Variants in CHD9 observed in about 807,000 individuals in gnomAD.
The protein encoded by CHD9 is ATP-dependent chromatin remodeler CHD9.
A neutral mutation model predicts 316.1 loss-of-function variants in CHD9; 77 were observed. The ratio of observed to expected loss-of-function variants is 0.24; its 90% CI spans 0.20 to 0.29. The LOEUF is 0.29. CHD9 is among the 10% of genes least tolerant of loss of function. CHD9 has a pLI of 1.00. For missense variants in CHD9, 2,763 were observed against 3,438.1 expected, an observed-to-expected ratio of 0.80 and a Z score of 4.91; for synonymous variants, 1,129 against 1,158.3, an observed-to-expected ratio of 0.97 and a Z score of 0.51.
At chr16:53,131,550 G>T (rs546176825) in intron 1 of CHD9, among the ~76,000 whole-genome samples, 61 of 151,276 alleles carry the variant, frequency 4.0e-4, no homozygotes, top group African/African-American at 1.4e-3. Context: ...ACAGCCCCCG[G>T]GGTCGGGACA....
intron 1 of CHD9, among the ~76,000 whole-genome samples, chr16:53,151,374 C>G (rs2041104824): frequency 6.6e-6 from 1 of 151,810 alleles, no homozygotes. Context: ...GCCTCAGCCT[C>G]TCCCAAGTAG....
chr16:53,069,473 T>C (rs1167853561), intron 1 of CHD9, among the ~76,000 whole-genome samples: 2 of 152,188 alleles, frequency 1.3e-5, no homozygotes, highest in Non-Finnish European at 2.9e-5. Context: ...TTACTTTCTG[T>C]CTTTGTGAGT....
chr16:53,272,319 A>T lies in CHD9; in HGVS notation c.4718-1307A>T, dbSNP rs1020778306. Among the ~76,000 whole-genome samples the T allele has an allele frequency of 2.6e-5, 4 of 152,098 alleles. No homozygotes were observed. In the East Asian group the frequency reaches 7.7e-4, roughly 29 times the overall value. Reference sequence around the variant, plus strand: ...AACTATAACAAGTATGAACTTACATACATCTAAAATAGTCTCAAAATGTAA... The same window carrying T: ...AACTATAACAAGTATGAACTTACATTCATCTAAAATAGTCTCAAAATGTAA... On this transcript the variant is annotated intron_variant, in intron 22 of 38. Coordinates refer to ENST00000447540, the MANE Select transcript of CHD9 (RefSeq NM_001308319.2).
chr16:53,269,831 C>T (rs1301017572), intron 22 of CHD9, among the ~76,000 whole-genome samples: 3 of 152,052 alleles, frequency 2.0e-5, no homozygotes, highest in Admixed American at 6.6e-5. Context: ...CAACCTTCAG[C>T]GTGTTACTGG....
At chr16:53,212,141 C>G (rs2046379469) in intron 3 of CHD9, among the ~76,000 whole-genome samples, 1 of 152,130 alleles carries the variant, frequency 6.6e-6, no homozygotes, top group Non-Finnish European at 1.5e-5. Flanking sequence ...GTGGCTCATG[C>G]CTGTAATCCC....
intron 7 of CHD9, 78 bp from the exon 8 acceptor site, chr16:53,228,905 T>C: frequency 1.5e-6 from 1 of 645,836 alleles, no homozygotes; most frequent in Non-Finnish European, 2.6e-6. Flanking sequence ...ATAGTTTATA[T>C]TGGATGTTAT....
At chr16:53,072,266 C>A (rs1468545746) in intron 1 of CHD9, among the ~76,000 whole-genome samples, 1 of 151,962 alleles carries the variant, frequency 6.6e-6, no homozygotes, top group Non-Finnish European at 1.5e-5. Flanking sequence ...TCCATAGCAA[C>A]CAAAACTCAT....
At chr16:53,226,866 T>G (rs2047698001) in intron 5 of CHD9, among the ~76,000 whole-genome samples, 1 of 152,244 alleles carries the variant, frequency 6.6e-6, no homozygotes, top group South Asian at 2.1e-4. Flanking sequence ...GATACCTTTT[T>G]AGCAGTGTAT....
At chr16:53,211,965 A>G (rs1425943441) in intron 3 of CHD9, among the ~76,000 whole-genome samples, 2 of 152,212 alleles carry the variant, frequency 1.3e-5, no homozygotes, top group African/African-American at 2.4e-5. Context: ...AACTAGCACC[A>G]TTTTATAATT....
chr16:53,076,134 C>G (rs1203187894), intron 1 of CHD9, among the ~76,000 whole-genome samples: 1 of 152,138 alleles, frequency 6.6e-6, no homozygotes, highest in Non-Finnish European at 1.5e-5. Context: ...TAGGAGTTCT[C>G]TGTATCTTCT....
chr16:53,293,134 G>T (rs1414521035), intron 29 of CHD9, 82 bp downstream of exon 29: 1 of 1,205,694 alleles, frequency 8.3e-7, no homozygotes, highest in Non-Finnish European at 1.2e-6. Flanking sequence ...CAATTATCAC[G>T]CTTTGTGGAA....
In CHD9 at chr16:53,267,999, A is replaced by T; in HGVS notation, c.4590A>T (p.Ile1530=). 1 of 1,613,678 alleles carries T rather than the reference A, an allele frequency of 6.2e-7. No homozygotes were observed. Among genetic ancestry groups the T allele is most frequent in the South Asian group, 1.1e-5 (1 of 91,078 alleles). ...AGCTAAATGAACACGATGTAGAGATAATTTGCCGAGCTCTCTTAGCATATT... is the reference window on the plus strand; with the variant it reads ...AGCTAAATGAACACGATGTAGAGATTATTTGCCGAGCTCTCTTAGCATATT... The part of the protein sequence containing the change: ...KRQLNEHDVE[I]ICRALLAYCL... Residue 1530 remains isoleucine, a synonymous_variant, in exon 22 of 39, where the codon ATA becomes ATT. Transcript: ENST00000447540.
intron 17 of CHD9, chr16:53,250,447 C>A: frequency 5.9e-6 from 1 of 170,398 alleles, no homozygotes; most frequent in Non-Finnish European, 1.3e-5. Context: ...TTTACAGGCA[C>A]GCATCATCAC....
In CHD9 at chr16:53,293,071, A is replaced by ATT; in HGVS notation, c.5510+23_5510+24dup. The ATT allele has an allele frequency of 6.4e-7, 1 of 1,570,700 alleles. No homozygotes were observed. The highest frequency in any genetic ancestry group is 1.4e-5 in the African/African-American group (1 of 74,046). On this transcript the variant is annotated intron_variant, in intron 29 of 38. Coordinates refer to ENST00000447540, the MANE Select transcript of CHD9 (RefSeq NM_001308319.2). ...AGCAAAGGTAAGACAATAACACTAA[A>ATT]TTTTTAATGTATTGTCTAAATGTAG...
In CHD9 at chr16:53,327,325, T is replaced by C. The variant is rs2057577577; in HGVS notation, c.*2430T>C. On this transcript the variant is annotated 3_prime_UTR_variant, in exon 39 of 39. Transcript: ENST00000447540. ...GATTCAAGTCTTAGTCCAATCTTTC[T>C]TTTGGACATTTGCAATATTTACCAG... is the stretch of plus-strand genomic sequence containing the variant. 1 of 152,588 alleles carries C rather than the reference T, an allele frequency of 6.6e-6. No homozygotes were observed. Among genetic ancestry groups the C allele is most frequent in the Non-Finnish European group, 1.5e-5 (1 of 67,984 alleles). The allele number at this position is 152,588 out of a possible 1,614,324, so 9.5% of individuals were successfully genotyped here.
At chr16:53,322,546 C>T (rs1164339759) in intron 38 of CHD9, among the ~76,000 whole-genome samples, 3 of 150,762 alleles carry the variant, frequency 2.0e-5, no homozygotes, top group Non-Finnish European at 3.0e-5. Flanking sequence ...GAGCCAAGAT[C>T]GCACCACTGC....
rs574796161 is a variant in CHD9, at chr16:53,118,863, G to T, written c.-164-37063G>T. ...ACTGGAGTGCAGTGGCACAATCTCG[G>T]CTCACTGCAACCTTCACCTCCCGGG... is the stretch of plus-strand genomic sequence containing the variant. On this transcript the variant is annotated intron_variant, in intron 1 of 38. Coordinates refer to ENST00000447540, the MANE Select transcript of CHD9 (RefSeq NM_001308319.2). Among the ~76,000 whole-genome samples, 8 of 148,294 alleles carry T rather than the reference G, an allele frequency of 5.4e-5. No individual in the cohort carries two copies. The South Asian group carries it at 1.7e-3, about 32-fold the overall frequency.
chr16:53,279,440 A>T (rs1158787173), intron 24 of CHD9, among the ~76,000 whole-genome samples: 1 of 152,172 alleles, frequency 6.6e-6, no homozygotes, highest in Admixed American at 6.5e-5. Flanking sequence ...CAGTACACCA[A>T]CATGGCACAT....
chr16:53,318,028 G>T (rs969188418), intron 36 of CHD9, among the ~76,000 whole-genome samples, 184 bp from the exon 37 acceptor site: 7 of 152,028 alleles, frequency 4.6e-5, no homozygotes, highest in Non-Finnish European at 1.0e-4. Context: ...CTATTCTCCA[G>T]CCTGGGCAAC....
Sources: gnomAD v4.1 joint callset for allele counts (sites outside exome capture counted in the v4.1 genomes callset) on GRCh38, gnomAD v4.1.1 for gene constraint, MANE v1.5 for transcripts, NCBI Gene and HGNC (gene_info 2026-07-23, HGNC 2026-07-21) for gene names.